ACAP3: variants seen among roughly 807,000 people sequenced by gnomAD.
The protein encoded by ACAP3 is arf-GAP with coiled-coil, ANK repeat and PH domain-containing protein 3.
Under a neutral mutation model 104.1 loss-of-function variants are expected in ACAP3, and 56 were observed. The ratio of observed to expected loss-of-function variants is 0.54; its 90% CI spans 0.43 to 0.67. The LOEUF (loss-of-function observed/expected upper bound fraction) is 0.67. Ranked by LOEUF, ACAP3 falls within the 30% of genes least tolerant of loss-of-function variation. ACAP3 has a pLI of 0.00. For synonymous variants in ACAP3, 628 were observed against 496.2 expected (o/e 1.27, Z -3.53); for missense variants, 1,208 against 1,174.9 (o/e 1.03, Z -0.41).
chr1:1,304,252 G>A (rs1641583566), intron 1 of ACAP3, 109 bp from the exon 2 acceptor site: 7 of 1,374,116 alleles, frequency 5.1e-6, no homozygotes, highest in Non-Finnish European at 7.0e-6. Flanking sequence ...GGGGCTTTCA[G>A]GAAACAGGCT....
chr1:1,293,786 A>AGGCCCCGCCCCTGCCCTGGC (rs1640965519), intron 23 of ACAP3, 37 bp downstream of exon 23: 1 of 1,520,922 alleles, frequency 6.6e-7, no homozygotes, highest in East Asian at 2.7e-5. Context: ...CCTGCCCTGG[A>AGGCCCCGCCCCTGCCCTGGC]GGCCCCGCCC....
chr1:1,295,621 G>T (rs74810910), intron 18 of ACAP3, 67 bp from the exon 19 acceptor site: 2 of 1,572,800 alleles, frequency 1.3e-6, no homozygotes, highest in South Asian at 2.3e-5. Context: ...CCCAGGTCAC[G>T]CCGGGAGTCT....
Position 1,304,282 on chromosome 1 carries a change from G to A in ACAP3, c.48-139C>T. The A allele has an allele frequency of 2.9e-6, 3 of 1,028,394 alleles. No homozygotes were observed. The East Asian group carries it at 7.8e-5, about 27-fold the overall frequency. The allele number at this position is 1,028,394 out of a possible 1,614,324, so 63.7% of individuals were successfully genotyped here. On this transcript the variant is annotated intron_variant, in intron 1 of 23. Transcript: ENST00000354700. Reference sequence around the variant, plus strand: ...CAGGCTGGGAGACAGACGCCTGCCTGCTACGGGGGCAGGACTGGGACCAGG... The same window carrying A: ...CAGGCTGGGAGACAGACGCCTGCCTACTACGGGGGCAGGACTGGGACCAGG...
intron 19 of ACAP3, 38 bp from the exon 20 acceptor site, chr1:1,294,854 G>A (rs931768739): frequency 1.3e-6 from 2 of 1,542,440 alleles, no homozygotes; most frequent in Non-Finnish European, 1.8e-6. Context: ...GAGGGTGGGA[G>A]GCCCAGACTC....
intron 5 of ACAP3, 71 bp from the exon 6 acceptor site, chr1:1,300,763 CGTT>C (rs1275944248): frequency 2.7e-6 from 4 of 1,507,698 alleles, no homozygotes; most frequent in African/African-American, 2.9e-5. Flanking sequence ...TCTCCCACAT[CGTT>C]GTTTGTGTGT....
At position 1,303,254 on chromosome 1, in the gene ACAP3, C is replaced by T; in HGVS notation, c.133G>A (p.Glu45Lys). Residue 45 changes from glutamate (E) to lysine (K), a missense_variant, in exon 3 of 24, where the codon GAA becomes AAA. Coordinates refer to ENST00000354700, the MANE Select transcript of ACAP3 (RefSeq NM_030649.3). The surrounding 1 kb of genome is among the most constrained non-coding windows in gnomAD (Gnocchi z 4.0). ...KLVKLCSGMV[E>K]AGKAYVSTSR... is the part of the protein sequence containing the mutation. Reference sequence around the variant, plus strand: ...GTGCTGACGTAGGCCTTACCGGCTTCCACCATGCCACTGCACAGCTTCACC... The same window carrying T: ...GTGCTGACGTAGGCCTTACCGGCTTTCACCATGCCACTGCACAGCTTCACC... 6.3e-7 allele frequency: 1 copy of T among 1,598,222 alleles called. No homozygotes were observed. Among genetic ancestry groups the T allele is most frequent in the African/African-American group, 1.3e-5 (1 of 74,816 alleles).
chr1:1,296,601 G>A lies in ACAP3; in HGVS notation c.1161C>T (p.Ser387=), dbSNP rs1188697293. ...RLDRTASPST[S]SIDSATDTRE... is the part of the protein sequence containing the mutation. ...GAGTGTCGGTGGCGGAGTCGATGCT[G>A]CTCGTGGACGGGGATGCTGTGCGGT... The change falls in exon 15 of 24, where the codon AGC becomes AGT. Residue 387 remains serine, a synonymous_variant. Transcript: ENST00000354700. The A allele has an allele frequency of 6.5e-7, 1 of 1,538,650 alleles. No individual in the cohort carries two copies. The highest frequency in any genetic ancestry group is 8.7e-7 in the Non-Finnish European group (1 of 1,146,538).
chr1:1,293,768 G>GCCCCGCCCCTGCCCTGGAGA, intron 23 of ACAP3, 55 bp downstream of exon 23: 9 of 1,476,982 alleles, frequency 6.1e-6, no homozygotes, highest in Non-Finnish European at 7.1e-6. Context: ...TGCCCTGGAG[G>GCCCCGCCCCTGCCCTGGAGA]CCCCGCCCCT....
intron 6 of ACAP3, 21 bp downstream of exon 6, chr1:1,300,488 C>T: frequency 6.3e-7 from 1 of 1,595,254 alleles, no homozygotes; most frequent in Non-Finnish European, 8.5e-7. Flanking sequence ...CCCCGCCCCC[C>T]AGCCCATTTC....
At chr1:1,302,243 C>T (rs980596907) in intron 4 of ACAP3, among the ~76,000 whole-genome samples, 197 bp from the exon 5 acceptor site, 1 of 152,168 alleles carries the variant, frequency 6.6e-6, no homozygotes, top group Non-Finnish European at 1.5e-5. Flanking sequence ...ATGGCTGTCA[C>T]CCCTGCCCCT....
intron 14 of ACAP3, 132 bp from the exon 15 acceptor site, chr1:1,296,765 A>G: frequency 1.1e-6 from 1 of 923,346 alleles, no homozygotes; most frequent in Non-Finnish European, 1.6e-6. Context: ...ACACGCACGT[A>G]CACGCGCACA....
intron 7 of ACAP3, 36 bp from the exon 8 acceptor site, chr1:1,300,104 C>A (rs11810449): frequency 1.2e-6 from 2 of 1,607,412 alleles, no homozygotes; most frequent in Non-Finnish European, 1.7e-6. Flanking sequence ...CAAGCACACC[C>A]GGTCCAGCCC....
intron 14 of ACAP3, among the ~76,000 whole-genome samples, chr1:1,297,021 G>A (rs929129750): frequency 4.6e-5 from 7 of 152,198 alleles, no homozygotes; most frequent in Non-Finnish European, 1.0e-4. Flanking sequence ...GCATGCCAGT[G>A]CACACCAGCA....
intron 16 of ACAP3, 44 bp from the exon 17 acceptor site, chr1:1,296,153 A>G: frequency 6.2e-7 from 1 of 1,608,966 alleles, no homozygotes; most frequent in South Asian, 1.1e-5. Context: ...GAACCTGCAG[A>G]CCCCAGCTCC....
At chr1:1,298,706 G>C in intron 10 of ACAP3, 27 bp from the exon 11 acceptor site, 2 of 1,569,644 alleles carry the variant, frequency 1.3e-6, no homozygotes, top group Non-Finnish European at 1.8e-6. Flanking sequence ...CGCCCCCTCA[G>C]TGCCCACCCC....
intron 5 of ACAP3, chr1:1,301,388 T>C (rs532808563): frequency 6.6e-6 from 1 of 150,622 alleles, no homozygotes; most frequent in East Asian, 2.0e-4. Flanking sequence ...TCCTCCTGAA[T>C]AGCTGGGACC....
In ACAP3 at chr1:1,293,568, C is replaced by G. The variant is rs777460164; in HGVS notation, c.2501G>C (p.Ser834Thr). Residue 834 changes from serine to threonine, a missense_variant, in exon 24 of 24, where the codon AGC (serine) becomes ACC (threonine). By Grantham distance (58) the Ser-to-Thr change is moderately conservative. Coordinates refer to ENST00000354700, the MANE Select transcript of ACAP3 (RefSeq NM_030649.3). ...AGCTGCCCGGCCTGCCCGGCCCTAG[C>G]TCTCTTCCAGGTGGAGGCTGATGAA... ...QEFISLHLEE[S>T] is the part of the protein sequence containing the mutation. 2.7e-6 allele frequency: 4 copies of G among 1,484,908 alleles called. No homozygotes were observed. The highest frequency in any genetic ancestry group is 1.2e-5 in the South Asian group (1 of 80,740). The allele number at this position is 1,484,908 out of a possible 1,614,324, so 92.0% of individuals were successfully genotyped here. A position where few individuals can be genotyped will look rare whatever the true frequency, so the allele number is the denominator to read the frequency against.
chr1:1,293,651 G>A lies in ACAP3; in HGVS notation c.2418C>T (p.Pro806=), dbSNP rs768982944. 7.1e-4 allele frequency: 1,046 copies of A among 1,475,046 alleles called. 8 individuals are homozygous for A. Among genetic ancestry groups the A allele is most frequent in the Non-Finnish European group, 7.6e-5 (85 of 1,121,904 alleles). 91.4% of individuals were successfully genotyped at this position (1,475,046 alleles called of 1,614,324 possible). The change falls in exon 24 of 24, where the codon CCC becomes CCT. Residue 806 remains proline (P), a synonymous_variant. Transcript: ENST00000354700. ...EMREAEAAPG[P]PGALAGSPTE... ...TGGGGCTGCCCGCCAGGGCGCCCGG[G>A]GGACCAGGGGCAGCCTCGGCCTCGC... is the stretch of plus-strand genomic sequence containing the variant.
Position 1,296,002 on chromosome 1 carries a change from T to C in ACAP3, c.1502+13A>G, listed in dbSNP as rs1641126209. 1.2e-6 allele frequency: 2 copies of C among 1,612,634 alleles called. No individual in the cohort carries two copies. The highest frequency in any genetic ancestry group is 2.2e-5 in the South Asian group (2 of 91,090). On this transcript the variant is annotated intron_variant, in intron 17 of 23. Transcript: ENST00000354700. Reference sequence around the variant, plus strand: ...GGGGCTCCCTGACTGATCCAGACTGTACCCCACCTCACCGGGAGCTGCTGG... The same window carrying C: ...GGGGCTCCCTGACTGATCCAGACTGCACCCCACCTCACCGGGAGCTGCTGG...
Sources: gnomAD v4.1 joint callset for allele counts (sites outside exome capture counted in the v4.1 genomes callset) on GRCh38, gnomAD v4.1.1 for gene constraint, Gnocchi (gnomAD v3.1) non-coding constraint, MANE v1.5 for transcripts, NCBI Gene and HGNC (gene_info 2026-07-23, HGNC 2026-07-21) for gene names.